The following ANO4 variants were observed in gnomAD, a reference collection of about 807,000 sequenced individuals.
ANO4 encodes anoctamin-4.
Under a neutral mutation model 141.9 loss-of-function variants are expected in ANO4, and 69 were observed. The observed-to-expected ratio is 0.49, with a 90% CI of 0.40 to 0.59. The LOEUF is 0.59. Among genes scored for constraint, ANO4 ranks in the 20% least tolerant of loss-of-function variants. ANO4 has a pLI of 0.00. For synonymous variants in ANO4, 350 were observed against 394.3 expected (o/e 0.89, Z 1.33); for missense variants, 894 against 1,162.2 (o/e 0.77, Z 3.36).
At chr12:101,080,865 G>T (rs1375458847) in intron 15 of ANO4, among the ~76,000 whole-genome samples, 6 of 109,378 alleles carry the variant, frequency 5.5e-5, no homozygotes, top group Admixed American at 2.1e-4. Flanking sequence ...CTAGGTTCTA[G>T]ATATATATAT....
intron 14 of ANO4, among the ~76,000 whole-genome samples, chr12:101,063,085 A>T (rs1239518407): frequency 6.6e-6 from 1 of 152,212 alleles, no homozygotes; most frequent in African/African-American, 2.4e-5. Context: ...TCTGGGCCAG[A>T]GTGCACCATT....
intron 1 of ANO4, among the ~76,000 whole-genome samples, chr12:100,808,830 A>G (rs547851870): frequency 1.3e-5 from 2 of 152,334 alleles, no homozygotes; most frequent in South Asian, 4.1e-4. Flanking sequence ...ATCTAACTAT[A>G]AAAACGTATT....
chr12:100,890,098 A>G (rs2040031062), intron 1 of ANO4, among the ~76,000 whole-genome samples: 2 of 136,494 alleles, frequency 1.5e-5, no homozygotes, highest in African/African-American at 7.2e-5. Context: ...ACTAAGTACT[A>G]TTTATTGAGT....
At chr12:100,827,628 G>T (rs905117314) in intron 1 of ANO4, among the ~76,000 whole-genome samples, 1 of 151,818 alleles carries the variant, frequency 6.6e-6, no homozygotes, top group Non-Finnish European at 1.5e-5. Flanking sequence ...AATGATTTTA[G>T]CGGAAATAAA....
chr12:100,831,665 G>A (rs2036637174), intron 1 of ANO4, among the ~76,000 whole-genome samples: 1 of 152,084 alleles, frequency 6.6e-6, no homozygotes, highest in South Asian at 2.1e-4. Flanking sequence ...TACATAAAAT[G>A]TATTAAAATA....
chr12:101,033,382 G>T (rs1306718015), intron 9 of ANO4, among the ~76,000 whole-genome samples: 1 of 152,022 alleles, frequency 6.6e-6, no homozygotes, highest in Admixed American at 6.6e-5. Flanking sequence ...ACGAGCTAGT[G>T]GGTGCAGCAC....
chr12:101,072,406 T>C (rs374888471), intron 14 of ANO4, among the ~76,000 whole-genome samples: 1 of 152,228 alleles, frequency 6.6e-6, no homozygotes, highest in East Asian at 1.9e-4. Flanking sequence ...AGAAATCATT[T>C]TGGTAAATGC....
At chr12:100,966,688 C>T (rs7302206) in intron 5 of ANO4, among the ~76,000 whole-genome samples, 4,414 of 152,086 alleles carry the variant, frequency 0.029, 218 homozygotes, top group African/African-American at 0.1. Flanking sequence ...ACCCCCATCC[C>T]CCATGCCCAA....
At chr12:101,022,990 C>T (rs1241309780) in intron 9 of ANO4, among the ~76,000 whole-genome samples, 4 of 152,132 alleles carry the variant, frequency 2.6e-5, no homozygotes, top group African/African-American at 7.2e-5. Flanking sequence ...CCGCCTGCCT[C>T]GGCCTCTCAA....
chr12:100,903,881 T>C (rs1408803953), intron 2 of ANO4, among the ~76,000 whole-genome samples: 2 of 152,240 alleles, frequency 1.3e-5, no homozygotes, highest in African/African-American at 4.8e-5. Flanking sequence ...GACTGTAGCC[T>C]GGCCAAGTTG....
At chr12:100,979,965 C>G (rs2044381634) in intron 7 of ANO4, among the ~76,000 whole-genome samples, 2 of 146,252 alleles carry the variant, frequency 1.4e-5, no homozygotes. Flanking sequence ...TGGTCTCGAT[C>G]TCTTGACCTC....
At chr12:100,887,183 T>C (rs941670063) in intron 1 of ANO4, among the ~76,000 whole-genome samples, 6 of 152,222 alleles carry the variant, frequency 3.9e-5, no homozygotes, top group African/African-American at 1.4e-4. Context: ...GAGAAGCGCT[T>C]TTTTGACTGC....
At chr12:101,114,340 A>G (rs1359297663) in intron 24 of ANO4, among the ~76,000 whole-genome samples, 2 of 152,230 alleles carry the variant, frequency 1.3e-5, no homozygotes, top group Non-Finnish European at 1.5e-5. Context: ...CTGTCCGTGC[A>G]TCTTTTCCCC....
At chr12:100,929,124 C>G (rs1017532323) in intron 3 of ANO4, among the ~76,000 whole-genome samples, 4 of 152,094 alleles carry the variant, frequency 2.6e-5, no homozygotes, top group Admixed American at 2.0e-4. Flanking sequence ...GTGTTACAAA[C>G]AATCCAATTA....
Position 101,096,439 on chromosome 12 carries a change from C to T in ANO4, c.1739-97C>T, listed in dbSNP as rs149535345. Reference sequence around the variant, plus strand: ...AGTCTCCTGCAGCCTCCTCAGGACTCCTGCGTCCCCACCCTGTGTGTGTGG... The same window carrying T: ...AGTCTCCTGCAGCCTCCTCAGGACTTCTGCGTCCCCACCCTGTGTGTGTGG... On this transcript the variant is annotated intron_variant, in intron 18 of 27. Coordinates refer to ENST00000392977, the MANE Select transcript of ANO4 (RefSeq NM_001286615.2). 3.1e-5 allele frequency: 30 copies of T among 957,998 alleles called. No individual in the cohort carries two copies. The Admixed American group carries it at 5.7e-4, about 18-fold the overall frequency. 59.3% of individuals were successfully genotyped at this position (957,998 alleles called of 1,614,324 possible).
chr12:100,804,139 C>G (rs1013780588), intron 1 of ANO4, among the ~76,000 whole-genome samples: 2 of 152,092 alleles, frequency 1.3e-5, no homozygotes, highest in African/African-American at 4.8e-5. Flanking sequence ...GTGTGTTGTT[C>G]CCCACAGTGT....
chr12:100,737,776 G>A (rs892238135), intron 2 of ANO4, among the ~76,000 whole-genome samples: 2 of 152,184 alleles, frequency 1.3e-5, no homozygotes, highest in Non-Finnish European at 2.9e-5. Flanking sequence ...CATCCAAGAG[G>A]TGTTTTCTAA....
chr12:100,999,227 C>A (rs975060106), intron 8 of ANO4, among the ~76,000 whole-genome samples: 1 of 152,246 alleles, frequency 6.6e-6, no homozygotes, highest in Non-Finnish European at 1.5e-5. Flanking sequence ...CAAGGCTGCA[C>A]TCCTTTCTGG....
chr12:101,023,573 AG>A (rs1358693888), intron 9 of ANO4, among the ~76,000 whole-genome samples: 1 of 152,190 alleles, frequency 6.6e-6, no homozygotes, highest in African/African-American at 2.4e-5. Flanking sequence ...CAGGAGGCTG[AG>A]ATGGGAGGAT....
Sources: allele counts gnomAD v4.1 joint callset (sites outside exome capture counted in the v4.1 genomes callset), GRCh38; gene constraint gnomAD v4.1.1; transcripts MANE v1.5; gene names NCBI Gene and HGNC (gene_info 2026-07-23, HGNC 2026-07-21).